Variants in FBXO4 observed in about 807,000 individuals in gnomAD.
FBXO4 encodes F-box protein 4, also known as F-box only protein 4.
Under a neutral mutation model 43.7 loss-of-function variants are expected in FBXO4, and 36 were observed. The observed-to-expected ratio is 0.82, with a 90% CI of 0.63 to 1.09. The LOEUF is 1.09. Among genes scored for constraint, FBXO4 ranks in the 50% least tolerant of loss-of-function variants. The pLI, the probability that FBXO4 is intolerant of heterozygous loss-of-function variation, is 0.00. For synonymous variants in FBXO4, 180 were observed against 165.6 expected (o/e 1.09, Z -0.67); for missense variants, 435 against 474.1 (o/e 0.92, Z 0.77).
At chr5:42,004,823 C>A in the FBXO4 span, among the ~76,000 whole-genome samples, 2 of 152,046 alleles carry the variant, frequency 1.3e-5, no homozygotes, top group Admixed American at 6.6e-5. Context: ...GAGTTAGGGT[C>A]AACTTACATT....
At chr5:42,015,438 G>T in the FBXO4 span, among the ~76,000 whole-genome samples, 4 of 152,180 alleles carry the variant, frequency 2.6e-5, no homozygotes, top group African/African-American at 9.7e-5. Flanking sequence ...GTGTGATTTT[G>T]TAATAGAGGG....
the FBXO4 span, among the ~76,000 whole-genome samples, chr5:42,022,164 C>G: frequency 6.6e-6 from 1 of 152,128 alleles, no homozygotes; most frequent in Non-Finnish European, 1.5e-5. Flanking sequence ...TGTCCATTCA[C>G]TCTTCTGACA....
At chr5:42,012,127 T>A in the FBXO4 span, among the ~76,000 whole-genome samples, 1 of 152,186 alleles carries the variant, frequency 6.6e-6, no homozygotes, top group African/African-American at 2.4e-5. Flanking sequence ...GGAACTCTGA[T>A]GGGTTCAGGA....
At chr5:41,975,612 T>C in the FBXO4 span, among the ~76,000 whole-genome samples, 1 of 152,224 alleles carries the variant, frequency 6.6e-6, no homozygotes, top group South Asian at 2.1e-4. Flanking sequence ...CAATAGTAAG[T>C]AATAAGCTGG....
chr5:41,989,322 G>A, the FBXO4 span, among the ~76,000 whole-genome samples: 1 of 152,094 alleles, frequency 6.6e-6, no homozygotes, highest in Admixed American at 6.6e-5. Flanking sequence ...TATAATTAAT[G>A]TAATTAAGTT....
chr5:41,999,681 C>CA, the FBXO4 span, among the ~76,000 whole-genome samples: 7 of 150,622 alleles, frequency 4.6e-5, no homozygotes, highest in East Asian at 3.9e-4. Context: ...CTGAAGAACT[C>CA]AGAGTTCAAT....
the FBXO4 span, among the ~76,000 whole-genome samples, chr5:42,010,545 T>C: frequency 6.6e-6 from 1 of 152,006 alleles, no homozygotes; most frequent in Admixed American, 6.6e-5. Context: ...TTTCTAAGAC[T>C]GAAAAATATT....
At chr5:42,009,880 T>G in the FBXO4 span, among the ~76,000 whole-genome samples, 1 of 152,200 alleles carries the variant, frequency 6.6e-6, no homozygotes, top group Non-Finnish European at 1.5e-5. Flanking sequence ...TCCACAACTT[T>G]TAAATCTTCC....
chr5:41,934,625 CT>C (rs1561170658), intron 5 of FBXO4: 1 of 1,229,450 alleles, frequency 8.1e-7, no homozygotes, highest in Non-Finnish European at 1.0e-6. Flanking sequence ...AAGTTTGGTA[CT>C]AGAGCTATAC....
chr5:41,961,265 T>C, the FBXO4 span, among the ~76,000 whole-genome samples: 2 of 151,860 alleles, frequency 1.3e-5, no homozygotes, highest in African/African-American at 4.9e-5. Flanking sequence ...TGTTTGATGG[T>C]GATGGCTGCT....
In FBXO4 at chr5:41,941,437, C is replaced by T. The variant is rs1752002868; in HGVS notation, c.*156C>T. ...TGCTGTGTTTTTTATATTATTTTTA[C>T]TCTTTACCATAAATCAATTACAAGA... is the stretch of plus-strand genomic sequence containing the variant. On this transcript the variant is annotated 3_prime_UTR_variant, in exon 7 of 7. Transcript: ENST00000281623. The T allele has an allele frequency of 2.1e-6, 1 of 481,174 alleles. No individual in the cohort carries two copies. Among genetic ancestry groups the T allele is most frequent in the South Asian group, 3.8e-5 (1 of 26,094 alleles). 29.8% of individuals were successfully genotyped at this position (481,174 alleles called of 1,614,324 possible).
the FBXO4 span, among the ~76,000 whole-genome samples, chr5:41,982,198 T>C: frequency 2.6e-5 from 4 of 152,294 alleles, no homozygotes; most frequent in East Asian, 5.8e-4. Context: ...GGAATAGTGC[T>C]GCAATAAACA....
intron 5 of FBXO4, chr5:41,935,033 A>G (rs773085180): frequency 4.3e-5 from 42 of 985,092 alleles, no homozygotes; most frequent in African/African-American, 7.0e-5. Flanking sequence ...AGCAGTTGCA[A>G]TTACTTTCTG....
At chr5:42,002,850 A>G in the FBXO4 span, among the ~76,000 whole-genome samples, 1 of 152,154 alleles carries the variant, frequency 6.6e-6, no homozygotes, top group Admixed American at 6.6e-5. Context: ...TTTTTCTTCA[A>G]TTTCAGTATA....
chr5:42,025,548 C>T, the FBXO4 span, among the ~76,000 whole-genome samples: 270 of 151,854 alleles, frequency 1.8e-3, 3 homozygotes, highest in African/African-American at 6.1e-3. Context: ...TAACTTGATG[C>T]GATCCCATTT....
At chr5:41,967,259 A>G in the FBXO4 span, 1 of 474,254 alleles carries the variant, frequency 2.1e-6, no homozygotes, top group Non-Finnish European at 4.2e-6. Context: ...TAGGGCCAAC[A>G]CCTCCAGAAA....
intron 5 of FBXO4, among the ~76,000 whole-genome samples, chr5:41,938,961 ACCT>A (rs1297186319): frequency 6.6e-6 from 1 of 152,218 alleles, no homozygotes; most frequent in East Asian, 1.9e-4. Context: ...AATGAAGATT[ACCT>A]GTCTTTCTTA....
chr5:41,983,524 T>C, the FBXO4 span, among the ~76,000 whole-genome samples: 6 of 152,170 alleles, frequency 3.9e-5, no homozygotes, highest in Admixed American at 6.5e-5. Flanking sequence ...CATTTTATTA[T>C]GAATTGAAAT....
At chr5:41,997,043 C>T in the FBXO4 span, among the ~76,000 whole-genome samples, 1 of 152,338 alleles carries the variant, frequency 6.6e-6, no homozygotes, top group South Asian at 2.1e-4. Flanking sequence ...AGTTGATAAA[C>T]ACCTGAGATA....
Sources: allele counts gnomAD v4.1 joint callset (sites outside exome capture counted in the v4.1 genomes callset), GRCh38; gene constraint gnomAD v4.1.1; transcripts MANE v1.5; gene names NCBI Gene and HGNC (gene_info 2026-07-23, HGNC 2026-07-21).